MELK: variants seen among roughly 807,000 people sequenced by gnomAD.
The protein encoded by MELK is pEg3 kinase.
In MELK, 81 loss-of-function variants were observed where a neutral mutation model predicts 85.0. That is an observed-to-expected ratio of 0.95 (90% CI 0.80 to 1.15). The LOEUF (loss-of-function observed/expected upper bound fraction) is 1.15, where lower values mean the gene tolerates loss of function less well. Ranked by LOEUF, MELK falls within the 50% of genes most tolerant of loss-of-function variation. The pLI is 0.00. For missense variants in MELK, 754 were observed against 777.5 expected, an observed-to-expected ratio of 0.97 and a Z score of 0.36; for synonymous variants, 252 against 265.0, an observed-to-expected ratio of 0.95 and a Z score of 0.48.
At chr9:36,597,694 A>G (rs1824448794) in intron 6 of MELK, among the ~76,000 whole-genome samples, 1 of 152,256 alleles carries the variant, frequency 6.6e-6, no homozygotes, top group African/African-American at 2.4e-5. Flanking sequence ...AAATGGTTCT[A>G]TAACTAACAA....
intron 8 of MELK, among the ~76,000 whole-genome samples, chr9:36,611,232 A>G (rs1826025559): frequency 6.6e-6 from 1 of 152,204 alleles, no homozygotes; most frequent in African/African-American, 2.4e-5. Context: ...GATTTCTCCA[A>G]AGTGAACTAG....
At chr9:36,609,244 T>G (rs1825856947) in intron 8 of MELK, among the ~76,000 whole-genome samples, 1 of 152,070 alleles carries the variant, frequency 6.6e-6, no homozygotes, top group Non-Finnish European at 1.5e-5. Context: ...ATCTACACTT[T>G]AAAAGGGTAA....
Position 36,665,340 on chromosome 9 carries a change from T to G in MELK, c.1177-10T>G. The G allele has an allele frequency of 6.4e-7, 1 of 1,567,814 alleles. No homozygotes were observed. The highest frequency in any genetic ancestry group is 8.7e-7 in the Non-Finnish European group (1 of 1,151,570). On this transcript the variant is annotated splice_polypyrimidine_tract_variant and intron_variant, in intron 13 of 17. Coordinates refer to ENST00000298048, the MANE Select transcript of MELK (RefSeq NM_014791.4). ...TCAGTGTGCTTTATCTAGTAACTTT[T>G]TTTTTCCAGTTTACCAAGTACTGGA...
intron 1 of MELK, among the ~76,000 whole-genome samples, chr9:36,580,555 T>G (rs1323252446): frequency 1.3e-5 from 2 of 151,640 alleles, no homozygotes; most frequent in Non-Finnish European, 2.9e-5. Flanking sequence ...TGACCTCAGG[T>G]GATCTACCCT....
At position 36,636,728 on chromosome 9, in the gene MELK, A is replaced by ATTTCTTTCTTTCTTTCTTTC. The variant is rs74181197; in HGVS notation, c.834+3566_834+3585dup. On this transcript the variant is annotated intron_variant, in intron 10 of 17. Transcript: ENST00000298048. ...CTGGACTTTTTTATGTAGCAACTGG[A>ATTTCTTTCTTTCTTTCTTTC]TTTCTTTCTTTCTTTCTTTCTTTCT... Among the ~76,000 whole-genome samples the ATTTCTTTCTTTCTTTCTTTC allele has an allele frequency of 7.1e-3, 719 of 100,906 alleles. 9 individuals are homozygous for ATTTCTTTCTTTCTTTCTTTC. The highest frequency in any genetic ancestry group is 0.013 in the East Asian group (43 of 3,354). 66.2% of individuals were successfully genotyped at this position (100,906 alleles called of 152,430 possible). A position where few individuals can be genotyped will look rare whatever the true frequency, so the allele number is the denominator to read the frequency against.
chr9:36,638,841 A>T (rs925698288), intron 10 of MELK, among the ~76,000 whole-genome samples: 1 of 152,224 alleles, frequency 6.6e-6, no homozygotes, highest in African/African-American at 2.4e-5. Flanking sequence ...GGCAACTGAG[A>T]CACAGAATCA....
chr9:36,609,939 C>G (rs530218579), intron 8 of MELK, among the ~76,000 whole-genome samples: 1 of 152,050 alleles, frequency 6.6e-6, no homozygotes, highest in African/African-American at 2.4e-5. Context: ...CATATTATAA[C>G]AGAGTGTAAA....
chr9:36,651,938 C>A, intron 12 of MELK, 61 bp downstream of exon 12: 1 of 1,419,994 alleles, frequency 7.0e-7, no homozygotes, highest in Non-Finnish European at 9.3e-7. Context: ...GTGTGTATAC[C>A]ACTGGGAAGG....
chr9:36,651,947 G>A (rs1464994779), intron 12 of MELK, 70 bp downstream of exon 12: 5 of 1,356,210 alleles, frequency 3.7e-6, no homozygotes, highest in Admixed American at 2.5e-5. Flanking sequence ...CCACTGGGAA[G>A]GTAAACTTTC....
intron 8 of MELK, among the ~76,000 whole-genome samples, chr9:36,615,891 G>C (rs961691066): frequency 6.7e-6 from 1 of 150,306 alleles, no homozygotes; most frequent in Non-Finnish European, 1.5e-5. Flanking sequence ...AGGCAGAGGG[G>C]CTCCTCACAT....
intron 2 of MELK, among the ~76,000 whole-genome samples, chr9:36,582,077 T>G (rs1822306663): frequency 6.6e-6 from 1 of 152,050 alleles, no homozygotes; most frequent in Non-Finnish European, 1.5e-5. Flanking sequence ...GTTCACGCCA[T>G]TCTCCTGCCT....
intron 13 of MELK, among the ~76,000 whole-genome samples, chr9:36,665,024 T>C (rs1813205840): frequency 6.6e-6 from 1 of 152,200 alleles, no homozygotes; most frequent in Non-Finnish European, 1.5e-5. Context: ...TTGGTACATG[T>C]CAGAGGCAAG....
chr9:36,606,681 ATG>A (rs966781736), intron 7 of MELK: 8 of 147,490 alleles, frequency 5.4e-5, no homozygotes, highest in African/African-American at 1.7e-4. Context: ...GGACATATAT[ATG>A]TATACATGTA....
chr9:36,636,453 G>T (rs1478490919), intron 10 of MELK, among the ~76,000 whole-genome samples: 2 of 152,102 alleles, frequency 1.3e-5, no homozygotes, highest in Non-Finnish European at 2.9e-5. Flanking sequence ...AGTGAGCCAA[G>T]ATTGCGCCAT....
At chr9:36,589,391 G>A (rs186533415) in intron 3 of MELK, 145 bp from the exon 4 acceptor site, 5 of 595,792 alleles carry the variant, frequency 8.4e-6, no homozygotes, top group Admixed American at 4.8e-5. Context: ...CTCATGATCC[G>A]CCCGCCTCGG....
intron 11 of MELK, among the ~76,000 whole-genome samples, chr9:36,647,368 G>A (rs1282210470): frequency 1.3e-5 from 2 of 151,996 alleles, no homozygotes; most frequent in Non-Finnish European, 2.9e-5. Flanking sequence ...GATGTGGGGT[G>A]GGAAAAAGTC....
chr9:36,617,217 A>AC (rs553733728), intron 8 of MELK, among the ~76,000 whole-genome samples: 25 of 151,262 alleles, frequency 1.7e-4, no homozygotes, highest in South Asian at 4.2e-4. Context: ...GTTTCTCCAT[A>AC]CCCCCCCACC....
intron 15 of MELK, among the ~76,000 whole-genome samples, chr9:36,670,539 T>C (rs997430791): frequency 1.3e-5 from 2 of 151,712 alleles, no homozygotes; most frequent in Non-Finnish European, 2.9e-5. Flanking sequence ...ATGTATTATC[T>C]ACATACATTA....
chr9:36,643,090 A>G lies in MELK; in HGVS notation c.921+7A>G. ...GGAGGATTTAATTTCACTGGTAAGA[A>G]ATACAGCATGGGCTGGGCGCAGTGG... On this transcript the variant is annotated splice_region_variant and intron_variant, in intron 11 of 17. Coordinates refer to ENST00000298048, the MANE Select transcript of MELK (RefSeq NM_014791.4). 6.2e-7 allele frequency: 1 copy of G among 1,609,908 alleles called. No individual in the cohort carries two copies. Among genetic ancestry groups the G allele is most frequent in the East Asian group, 2.2e-5 (1 of 44,790 alleles).
Sources: gnomAD v4.1 joint callset for allele counts (sites outside exome capture counted in the v4.1 genomes callset) on GRCh38, gnomAD v4.1.1 for gene constraint, MANE v1.5 for transcripts, NCBI Gene and HGNC (gene_info 2026-07-23, HGNC 2026-07-21) for gene names.